Variants in SUPT3H observed in about 807,000 individuals in gnomAD.
SUPT3H encodes the protein transcription initiation protein SPT3 homolog.
A neutral mutation model predicts 44.3 loss-of-function variants in SUPT3H; 44 were observed. That is an observed-to-expected ratio of 0.99 (90% CI 0.78 to 1.28). The LOEUF is 1.28. Among genes scored for constraint, SUPT3H ranks in the 50% most tolerant of loss-of-function variants. The pLI is 0.00. For synonymous variants in SUPT3H, 124 were observed against 125.6 expected (o/e 0.99, Z 0.09); for missense variants, 380 against 387.1 (o/e 0.98, Z 0.15).
At chr6:45,178,882 A>C (rs1812551030) in intron 2 of SUPT3H, among the ~76,000 whole-genome samples, 1 of 151,968 alleles carries the variant, frequency 6.6e-6, no homozygotes, top group African/African-American at 2.4e-5. Flanking sequence ...ACAAAGACAC[A>C]ACATACCAGA....
chr6:45,202,652 G>T (rs142513395), intron 2 of SUPT3H, among the ~76,000 whole-genome samples: 1 of 151,788 alleles, frequency 6.6e-6, no homozygotes, highest in Non-Finnish European at 1.5e-5. Context: ...ATTACTACTC[G>T]TACTATCAAA....
intron 2 of SUPT3H, among the ~76,000 whole-genome samples, chr6:45,225,109 T>C (rs1295962046): frequency 6.6e-6 from 1 of 151,646 alleles, no homozygotes; most frequent in Non-Finnish European, 1.5e-5. Context: ...TGAAATCTCA[T>C]CTCTATTAAA....
chr6:45,087,202 C>A (rs1796579156), intron 3 of SUPT3H, among the ~76,000 whole-genome samples: 1 of 151,882 alleles, frequency 6.6e-6, no homozygotes, highest in African/African-American at 2.4e-5. Context: ...TGCAGAACTA[C>A]TATACTGCAT....
chr6:45,314,684 G>C (rs1205943238), intron 2 of SUPT3H, among the ~76,000 whole-genome samples: 1 of 152,114 alleles, frequency 6.6e-6, no homozygotes, highest in Admixed American at 6.6e-5. Flanking sequence ...CGGATGGCCA[G>C]AATCAGTATT....
rs566224798 is a variant in SUPT3H, at chr6:45,316,336, T to A, written c.101+48865A>T. 3.6e-3 allele frequency among the ~76,000 whole-genome samples: 544 copies of A among 150,628 alleles called. 3 individuals carry two copies. Among genetic ancestry groups the A allele is most frequent in the Non-Finnish European group, 6.1e-3 (414 of 67,636 alleles). The stretch of plus-strand genomic sequence containing the variant: ...AATAACTTATGGAAAAATAAAATTT[T>A]AAAAAAATAAAAAATAAAAATGAAT... On this transcript the variant is annotated intron_variant, in intron 2 of 10. Coordinates refer to ENST00000371459, the MANE Select transcript of SUPT3H (RefSeq NM_003599.4).
chr6:45,280,437 T>C (rs976403934), intron 2 of SUPT3H, among the ~76,000 whole-genome samples: 2 of 151,938 alleles, frequency 1.3e-5, no homozygotes, highest in African/African-American at 4.8e-5. Context: ...ATCCAGGAAG[T>C]GGAGGTTATG....
At chr6:45,330,571 T>C (rs1033549279) in intron 2 of SUPT3H, among the ~76,000 whole-genome samples, 1 of 152,020 alleles carries the variant, frequency 6.6e-6, no homozygotes, top group Non-Finnish European at 1.5e-5. Context: ...AAAGTTATCA[T>C]GAAGAATATG....
Position 44,954,612 on chromosome 6 carries a change from C to A in SUPT3H, c.581-5G>T, listed in dbSNP as rs758507263. On this transcript the variant is annotated splice_polypyrimidine_tract_variant and splice_region_variant and intron_variant, in intron 7 of 10. Transcript: ENST00000371459. ...GAAATTTGGAAGCTTTTTTGGCTGG[C>A]CATTTAAAAAAAACAAGTGCAGAAA... 1.3e-6 allele frequency: 2 copies of A among 1,591,574 alleles called. No homozygotes were observed. Among genetic ancestry groups the A allele is most frequent in the African/African-American group, 1.4e-5 (1 of 73,892 alleles).
intron 10 of SUPT3H, among the ~76,000 whole-genome samples, chr6:44,901,789 C>G (rs373471728): frequency 6.6e-6 from 1 of 152,076 alleles, no homozygotes; most frequent in African/African-American, 2.4e-5. Context: ...TCGGGTTACC[C>G]ACAAAGGGAA....
intron 9 of SUPT3H, among the ~76,000 whole-genome samples, chr6:44,938,587 T>A (rs1478811888): frequency 6.6e-6 from 1 of 151,652 alleles, no homozygotes; most frequent in Non-Finnish European, 1.5e-5. Flanking sequence ...AATTTTAGGA[T>A]TTTTTTTTCT....
intron 2 of SUPT3H, among the ~76,000 whole-genome samples, chr6:45,223,458 A>G (rs1384699671): frequency 2.6e-5 from 4 of 152,172 alleles, no homozygotes; most frequent in African/African-American, 9.6e-5. Context: ...GGTGTGCCAT[A>G]CTAAATTCGT....
At chr6:44,973,087 G>A (rs549379089) in intron 6 of SUPT3H, among the ~76,000 whole-genome samples, 14 of 152,186 alleles carry the variant, frequency 9.2e-5, no homozygotes, top group Non-Finnish European at 1.0e-4. Flanking sequence ...ATCATATCAC[G>A]AGGCTGCAAA....
At chr6:44,811,123 G>C (rs1766490443) in intron 11 of SUPT3H, among the ~76,000 whole-genome samples, 1 of 152,116 alleles carries the variant, frequency 6.6e-6, no homozygotes, top group African/African-American at 2.4e-5. Flanking sequence ...TCCCGTTTCT[G>C]CTCCAGAATT....
intron 3 of SUPT3H, among the ~76,000 whole-genome samples, chr6:45,070,469 C>T (rs562297872): frequency 6.6e-6 from 1 of 152,098 alleles, no homozygotes; most frequent in Non-Finnish European, 1.5e-5. Flanking sequence ...TTTGGCCGGG[C>T]ATGGTGGCTC....
intron 10 of SUPT3H, among the ~76,000 whole-genome samples, chr6:44,832,336 T>C (rs771461102): frequency 6.6e-6 from 1 of 152,162 alleles, no homozygotes; most frequent in Non-Finnish European, 1.5e-5. Flanking sequence ...TGTATCCCAC[T>C]TACTTTCTTC....
chr6:45,062,799 T>C (rs7746316), intron 3 of SUPT3H, among the ~76,000 whole-genome samples: 23,092 of 145,496 alleles, frequency 0.16, 1,965 homozygotes, highest in East Asian at 0.25. Context: ...ACACCTGGCT[T>C]GGAGGGTCCT....
intron 10 of SUPT3H, among the ~76,000 whole-genome samples, chr6:44,891,658 A>G (rs1763338434): frequency 6.6e-6 from 1 of 152,066 alleles, no homozygotes; most frequent in Non-Finnish European, 1.5e-5. Flanking sequence ...GGATGATAAA[A>G]TATTTCTGAA....
intron 2 of SUPT3H, among the ~76,000 whole-genome samples, chr6:45,122,623 C>T (rs1316923632): frequency 1.3e-5 from 2 of 152,000 alleles, no homozygotes; most frequent in Non-Finnish European, 2.9e-5. Flanking sequence ...TCACCATATA[C>T]ACCATTAAAA....
chr6:45,035,581 C>G lies in SUPT3H; in HGVS notation c.187-14949G>C, dbSNP rs368183965. ...GTACAGACTCTGATTACTTCCCTAC[C>G]TCCATCAATATTTATATCATGTATT... On this transcript the variant is annotated intron_variant, in intron 3 of 10. Transcript: ENST00000371459. Among the ~76,000 whole-genome samples the G allele has an allele frequency of 3.9e-5, 6 of 152,146 alleles. No individual in the cohort carries two copies. In the East Asian group the frequency reaches 9.6e-4, roughly 24 times the overall value.
Sources: allele counts gnomAD v4.1 joint callset (sites outside exome capture counted in the v4.1 genomes callset), GRCh38; gene constraint gnomAD v4.1.1; transcripts MANE v1.5; gene names NCBI Gene and HGNC (gene_info 2026-07-23, HGNC 2026-07-21).